Variants in EML6 observed in about 807,000 individuals in gnomAD.
EML6 encodes echinoderm microtubule-associated protein-like 6.
Under a neutral mutation model 240.1 loss-of-function variants are expected in EML6, and 154 were observed. The ratio of observed to expected loss-of-function variants is 0.64; its 90% CI spans 0.56 to 0.73. The LOEUF (loss-of-function observed/expected upper bound fraction) is 0.73. Among genes scored for constraint, EML6 ranks in the 30% least tolerant of loss-of-function variants. The pLI, the probability that EML6 is intolerant of heterozygous loss-of-function variation, is 0.00. For synonymous variants in EML6, 1,148 were observed against 899.0 expected, an observed-to-expected ratio of 1.28 and a Z score of -4.95; for missense variants, 2,964 against 2,474.6, an observed-to-expected ratio of 1.20 and a Z score of -4.20.
At chr2:54,756,135 T>G (rs1667716355) in intron 2 of EML6, among the ~76,000 whole-genome samples, 1 of 152,176 alleles carries the variant, frequency 6.6e-6, no homozygotes, top group South Asian at 2.1e-4. Flanking sequence ...GGTGGCAGTT[T>G]CTGCTTACCC....
chr2:54,840,012 A>G (rs936444094), intron 7 of EML6, among the ~76,000 whole-genome samples: 2 of 152,262 alleles, frequency 1.3e-5, no homozygotes, highest in Admixed American at 6.5e-5. Flanking sequence ...TAGCAGGACA[A>G]TAAATACAGT....
intron 30 of EML6, among the ~76,000 whole-genome samples, chr2:54,951,873 GC>G (rs1675999334): frequency 6.6e-6 from 1 of 152,124 alleles, no homozygotes; most frequent in Non-Finnish European, 1.5e-5. Flanking sequence ...TTCTAGCCTT[GC>G]CATCATATTG....
In EML6 at chr2:54,725,730, T is replaced by A. The variant is rs1682880459; in HGVS notation, c.197+472T>A. Among the ~76,000 whole-genome samples the A allele has an allele frequency of 6.6e-6, 1 of 152,224 alleles. No homozygotes were observed. Among genetic ancestry groups the A allele is most frequent in the African/African-American group, 2.4e-5 (1 of 41,460 alleles). On this transcript the variant is annotated intron_variant, in intron 2 of 41. Transcript: ENST00000356458. The surrounding 1 kb of genome is among the most constrained non-coding windows in gnomAD (Gnocchi z 4.3). ...CTACTGGTAATTTGGAATCTTCATC[T>A]CAGATGCTTTGGACCTGGGAAATTT...
intron 18 of EML6, among the ~76,000 whole-genome samples, chr2:54,891,747 A>G (rs959859268): frequency 1.3e-5 from 2 of 152,194 alleles, no homozygotes; most frequent in African/African-American, 2.4e-5. Flanking sequence ...AAATGTGAAT[A>G]AGGTTCTGTT....
At chr2:54,776,214 A>G (rs1037488283) in intron 2 of EML6, among the ~76,000 whole-genome samples, 15 of 152,086 alleles carry the variant, frequency 9.9e-5, no homozygotes, top group African/African-American at 1.7e-4. Flanking sequence ...ATAAGTGGAA[A>G]AGGAGGAGGA....
At chr2:54,942,083 C>T (rs1413021869) in intron 28 of EML6, among the ~76,000 whole-genome samples, 1 of 152,128 alleles carries the variant, frequency 6.6e-6, no homozygotes. Context: ...TATTCAAACC[C>T]CTTGATTTTC....
At chr2:54,849,177 G>C (rs1378411127) in intron 9 of EML6, among the ~76,000 whole-genome samples, 2 of 152,074 alleles carry the variant, frequency 1.3e-5, no homozygotes, top group African/African-American at 4.8e-5. Flanking sequence ...TATTTTCAGG[G>C]TACATGTAAT....
At chr2:54,749,641 C>A (rs1684069703) in intron 2 of EML6, among the ~76,000 whole-genome samples, 1 of 152,142 alleles carries the variant, frequency 6.6e-6, no homozygotes, top group Non-Finnish European at 1.5e-5. Flanking sequence ...TTATTTAATG[C>A]TCACAAAAAA....
At chr2:54,856,408 C>T (rs1383315375) in intron 11 of EML6, among the ~76,000 whole-genome samples, 2 of 152,146 alleles carry the variant, frequency 1.3e-5, no homozygotes, top group African/African-American at 4.8e-5. Flanking sequence ...TCCTCCTTTG[C>T]ATTACACCTC....
rs1651943094 is a variant in EML6, at chr2:54,847,589, A to G, written c.1153A>G (p.Met385Val). Reference protein sequence around the residue: ...SPDGSQLALGMKDGSFIVLRV... With the variant: ...SPDGSQLALGVKDGSFIVLRV... Reference sequence around the variant, plus strand: ...CGACGGATCTCAGCTGGCCCTGGGCATGAAGGACGGCTCTTTCATTGTTCT... The same window carrying G: ...CGACGGATCTCAGCTGGCCCTGGGCGTGAAGGACGGCTCTTTCATTGTTCT... Residue 385 changes from methionine (M) to valine (V), a missense_variant, in exon 9 of 42, where the codon ATG (methionine) becomes GTG (valine). Met to Val is a conservative substitution (Grantham distance 21). Coordinates refer to ENST00000356458, the MANE Select transcript of EML6 (RefSeq NM_001039753.4). 3.9e-6 allele frequency: 6 copies of G among 1,552,230 alleles called. No homozygotes were observed. Among genetic ancestry groups the G allele is most frequent in the Non-Finnish European group, 4.4e-6 (5 of 1,147,144 alleles).
At chr2:54,785,075 G>A (rs901331068) in intron 2 of EML6, among the ~76,000 whole-genome samples, 1 of 151,984 alleles carries the variant, frequency 6.6e-6, no homozygotes, top group Non-Finnish European at 1.5e-5. Flanking sequence ...CTTCACAGGG[G>A]GTCCCACAGT....
chr2:54,963,892 G>A, intron 36 of EML6, 94 bp from the exon 37 acceptor site: 8 of 1,196,038 alleles, frequency 6.7e-6, no homozygotes, highest in Non-Finnish European at 9.1e-6. Context: ...TGGCTGCGAG[G>A]GCAGCCTGAC....
chr2:54,886,471 C>G (rs1165339029), intron 17 of EML6, among the ~76,000 whole-genome samples: 1 of 152,080 alleles, frequency 6.6e-6, no homozygotes, highest in Non-Finnish European at 1.5e-5. Context: ...CGTCTGGCCT[C>G]TTTCTTTCTT....
At position 54,950,814 on chromosome 2, in the gene EML6, T is replaced by C. The variant is rs185633566; in HGVS notation, c.4213+35T>C. 7.8e-6 allele frequency: 12 copies of C among 1,539,818 alleles called. No individual in the cohort carries two copies. In the East Asian group the frequency reaches 1.2e-4, roughly 16 times the overall value. On this transcript the variant is annotated intron_variant, in intron 30 of 41. Coordinates refer to ENST00000356458, the MANE Select transcript of EML6 (RefSeq NM_001039753.4). ...GGTTAAAAAATACAGGTTTTTCTTTTAGCTGTTTTTTACATGCTTTCCCCA... is the reference window on the plus strand; with the variant it reads ...GGTTAAAAAATACAGGTTTTTCTTTCAGCTGTTTTTTACATGCTTTCCCCA...
At chr2:54,957,657 G>A (rs973340414) in intron 32 of EML6, 133 bp from the exon 33 acceptor site, 12 of 763,554 alleles carry the variant, frequency 1.6e-5, no homozygotes, top group Non-Finnish European at 2.4e-5. Context: ...AGTGTCTGAA[G>A]GGGAGAGAGT....
chr2:54,949,161 C>T (rs541691634), intron 29 of EML6, among the ~76,000 whole-genome samples: 1 of 152,252 alleles, frequency 6.6e-6, no homozygotes, highest in East Asian at 1.9e-4. Flanking sequence ...CGTATTCCTG[C>T]TTCCCCCAGC....
intron 25 of EML6, among the ~76,000 whole-genome samples, 155 bp from the exon 26 acceptor site, chr2:54,916,604 T>G (rs185379571): frequency 6.6e-6 from 1 of 152,370 alleles, no homozygotes; most frequent in African/African-American, 2.4e-5. Flanking sequence ...AAATAACCAC[T>G]TTAAATATGC....
At chr2:54,869,849 C>G (rs1173143170) in intron 15 of EML6, among the ~76,000 whole-genome samples, 1 of 151,874 alleles carries the variant, frequency 6.6e-6, no homozygotes, top group South Asian at 2.1e-4. Flanking sequence ...TTTTGAAATG[C>G]CTTAACCTTA....
chr2:54,880,353 C>T (rs1331275684), intron 17 of EML6: 2 of 152,204 alleles, frequency 1.3e-5, no homozygotes, highest in African/African-American at 4.8e-5. Context: ...CCTCCCTGCT[C>T]GTTCTTCTCT....
Sources: gnomAD v4.1 joint callset for allele counts (sites outside exome capture counted in the v4.1 genomes callset) on GRCh38, gnomAD v4.1.1 for gene constraint, Gnocchi (gnomAD v3.1) non-coding constraint, MANE v1.5 for transcripts, NCBI Gene and HGNC (gene_info 2026-07-23, HGNC 2026-07-21) for gene names.